The following HS3ST5 variants were observed in gnomAD, a reference collection of about 807,000 sequenced individuals.
The protein encoded by HS3ST5 is heparan sulfate-glucosamine 3-sulfotransferase 5, also known as heparan sulfate glucosamine 3-O-sulfotransferase 5.
In HS3ST5, 10 loss-of-function variants were observed where a neutral mutation model predicts 25.4. That is an observed-to-expected ratio of 0.39 (90% CI 0.24 to 0.67). The LOEUF (loss-of-function observed/expected upper bound fraction) is 0.67, where lower values mean the gene tolerates loss of function less well. Among genes scored for constraint, HS3ST5 ranks in the 30% least tolerant of loss-of-function variants. The pLI is 0.44. For synonymous variants in HS3ST5, 170 were observed against 162.4 expected (o/e 1.05, Z -0.36); for missense variants, 324 against 420.7 (o/e 0.77, Z 2.01).
intron 2 of HS3ST5, among the ~76,000 whole-genome samples, chr6:114,181,830 T>C (rs540144830): frequency 7.2e-5 from 11 of 152,154 alleles, no homozygotes; most frequent in Non-Finnish European, 1.3e-4. Flanking sequence ...ATAGACTTCC[T>C]GACTCATGAA....
chr6:114,205,886 G>A (rs1361157480), intron 2 of HS3ST5, among the ~76,000 whole-genome samples: 2 of 152,154 alleles, frequency 1.3e-5, no homozygotes, highest in Non-Finnish European at 2.9e-5. Flanking sequence ...AGGAGGTGGA[G>A]CTCAGGAGGT....
intron 1 of HS3ST5, among the ~76,000 whole-genome samples, chr6:114,307,358 G>GCT (rs528782292): frequency 6.9e-6 from 1 of 145,160 alleles, no homozygotes; most frequent in Non-Finnish European, 1.5e-5. Flanking sequence ...TATCCTTACT[G>GCT]TTTTTTTTTT....
Position 114,201,090 on chromosome 6 carries a change from C to T in HS3ST5, c.-145+27495G>A, listed in dbSNP as rs560393156. On this transcript the variant is annotated intron_variant, in intron 2 of 4. Coordinates refer to ENST00000312719, the MANE Select transcript of HS3ST5 (RefSeq NM_153612.4). ...AATTCTTCTGAACTTTGGACTCATA[C>T]GTGCAATTGCTGACTTGACATTTCT... Among the ~76,000 whole-genome samples, 17 of 152,308 alleles carry T rather than the reference C, an allele frequency of 1.1e-4. No homozygotes were observed. The South Asian group carries it at 1.7e-3, about 15-fold the overall frequency.
intron 3 of HS3ST5, among the ~76,000 whole-genome samples, chr6:114,085,935 C>CA (rs1554207179): frequency 3.9e-4 from 5 of 12,928 alleles, no homozygotes; most frequent in African/African-American, 5.3e-4. Context: ...AAATTCATTG[C>CA]CCCCCCCCCC....
intron 3 of HS3ST5, among the ~76,000 whole-genome samples, chr6:114,100,785 C>A (rs1169956743): frequency 1.3e-5 from 2 of 152,112 alleles, no homozygotes; most frequent in Non-Finnish European, 2.9e-5. Context: ...TATTTAGTTC[C>A]AAAACATACA....
At chr6:114,237,601 T>A (rs1247417559) in intron 1 of HS3ST5, among the ~76,000 whole-genome samples, 1 of 152,176 alleles carries the variant, frequency 6.6e-6, no homozygotes, top group Non-Finnish European at 1.5e-5. Context: ...GCCTCCGAAG[T>A]TCCCCATGTG....
intron 1 of HS3ST5, among the ~76,000 whole-genome samples, chr6:114,236,831 T>C (rs1490660646): frequency 6.6e-6 from 1 of 152,172 alleles, no homozygotes; most frequent in African/African-American, 2.4e-5. Context: ...TTGTATACTC[T>C]ATTGAAATAT....
chr6:114,117,196 T>A (rs1290212115), intron 3 of HS3ST5, among the ~76,000 whole-genome samples: 1 of 152,166 alleles, frequency 6.6e-6, no homozygotes, highest in Non-Finnish European at 1.5e-5. Flanking sequence ...TCCTTTTACT[T>A]TCTAGGCAAA....
chr6:114,124,213 C>G (rs1776926884), intron 3 of HS3ST5, among the ~76,000 whole-genome samples: 2 of 152,124 alleles, frequency 1.3e-5, no homozygotes, highest in African/African-American at 4.8e-5. Flanking sequence ...CCTGTTCTTC[C>G]TGATGTTGCA....
At chr6:114,134,813 G>A (rs1232171804) in intron 3 of HS3ST5, among the ~76,000 whole-genome samples, 2 of 152,174 alleles carry the variant, frequency 1.3e-5, no homozygotes, top group Non-Finnish European at 2.9e-5. Context: ...CAGCCTCTGT[G>A]AATTTCTCTC....
chr6:114,308,087 C>G (rs979908327), intron 1 of HS3ST5, among the ~76,000 whole-genome samples: 1 of 151,970 alleles, frequency 6.6e-6, no homozygotes, highest in Admixed American at 6.6e-5. Context: ...TAATAGACTA[C>G]TCTTCAAGAA....
At chr6:114,250,986 T>C (rs552225578) in intron 1 of HS3ST5, among the ~76,000 whole-genome samples, 51 of 152,224 alleles carry the variant, frequency 3.4e-4, no homozygotes, top group Non-Finnish European at 4.7e-4. Flanking sequence ...AAATGACTAC[T>C]ATCAGCAAAA....
intron 1 of HS3ST5, among the ~76,000 whole-genome samples, chr6:114,229,920 G>GTGC (rs1562245840): frequency 2.0e-5 from 3 of 152,176 alleles, no homozygotes; most frequent in Non-Finnish European, 4.4e-5. Flanking sequence ...GGCTTTCCCT[G>GTGC]AAATTCTACC....
chr6:114,108,203 A>G (rs1180918766), intron 3 of HS3ST5, among the ~76,000 whole-genome samples: 1 of 152,204 alleles, frequency 6.6e-6, no homozygotes, highest in African/African-American at 2.4e-5. Flanking sequence ...AACCAGGGGT[A>G]AAGAGAACTC....
intron 2 of HS3ST5, among the ~76,000 whole-genome samples, chr6:114,197,758 G>T (rs1780831248): frequency 6.6e-6 from 1 of 152,058 alleles, no homozygotes; most frequent in African/African-American, 2.4e-5. Context: ...GTGCTAATTT[G>T]CTTGGGATAA....
intron 3 of HS3ST5, among the ~76,000 whole-genome samples, chr6:114,082,614 G>A (rs1774521932): frequency 6.6e-6 from 1 of 152,198 alleles, no homozygotes; most frequent in Admixed American, 6.5e-5. Flanking sequence ...CTTCTATTCA[G>A]TAATACTACT....
chr6:114,314,050 A>G (rs1775651739), intron 1 of HS3ST5, among the ~76,000 whole-genome samples: 1 of 152,122 alleles, frequency 6.6e-6, no homozygotes, highest in South Asian at 2.1e-4. Flanking sequence ...CTCAGTCTCC[A>G]GAGTAGCTGG....
rs538398526 is a variant in HS3ST5, at chr6:114,263,226, G to A, written c.-338-34448C>T. On this transcript the variant is annotated intron_variant, in intron 1 of 4. Coordinates refer to ENST00000312719, the MANE Select transcript of HS3ST5 (RefSeq NM_153612.4). ...TTAGCATTTTATTTTGGGACTCTGG[G>A]CCTGTCAGGTATATTTTTAAGTAAA... is the stretch of plus-strand genomic sequence containing the variant. Among the ~76,000 whole-genome samples the A allele has an allele frequency of 1.4e-3, 212 of 151,992 alleles. 1 individual carries two copies. Among genetic ancestry groups the A allele is most frequent in the African/African-American group, 5.0e-3 (209 of 41,470 alleles).
intron 3 of HS3ST5, among the ~76,000 whole-genome samples, chr6:114,114,733 T>A (rs1037333884): frequency 6.6e-6 from 1 of 152,132 alleles, no homozygotes; most frequent in African/African-American, 2.4e-5. Context: ...AAGCAATATA[T>A]ATTACTTAGA....
Sources: allele counts gnomAD v4.1 joint callset (sites outside exome capture counted in the v4.1 genomes callset), GRCh38; gene constraint gnomAD v4.1.1; transcripts MANE v1.5; gene names NCBI Gene and HGNC (gene_info 2026-07-23, HGNC 2026-07-21).